The following MKLN1 variants were observed in gnomAD, a reference collection of about 807,000 sequenced individuals.
MKLN1 encodes muskelin 1, also known as muskelin.
In MKLN1, 18 loss-of-function variants were observed where a neutral mutation model predicts 99.0. That is an observed-to-expected ratio of 0.18 (90% CI 0.13 to 0.27). MKLN1 has a LOEUF of 0.27. MKLN1 is among the 10% of genes least tolerant of loss of function. The pLI is 1.00. For synonymous variants in MKLN1, 288 were observed against 293.2 expected, an observed-to-expected ratio of 0.98 and a Z score of 0.18; for missense variants, 621 against 875.9, an observed-to-expected ratio of 0.71 and a Z score of 3.67.
intron 2 of MKLN1, among the ~76,000 whole-genome samples, chr7:131,180,520 G>A (rs988256297): frequency 2.0e-5 from 3 of 152,092 alleles, no homozygotes; most frequent in African/African-American, 4.8e-5. Context: ...CCAACATGGT[G>A]AAACTCTGTC....
At chr7:131,472,426 T>G (rs1472060778) in intron 16 of MKLN1, among the ~76,000 whole-genome samples, 2 of 152,234 alleles carry the variant, frequency 1.3e-5, no homozygotes, top group African/African-American at 4.8e-5. Flanking sequence ...TCAAGTTCAT[T>G]TGAGCCATTT....
chr7:131,229,449 G>A (rs143946375), intron 3 of MKLN1, among the ~76,000 whole-genome samples: 161 of 152,298 alleles, frequency 1.1e-3, no homozygotes, highest in Non-Finnish European at 2.0e-3. Flanking sequence ...TAGAGGAGTT[G>A]TGGGGACCAA....
chr7:131,161,082 T>C (rs1415306496), intron 2 of MKLN1, among the ~76,000 whole-genome samples: 1 of 152,066 alleles, frequency 6.6e-6, no homozygotes, highest in Admixed American at 6.6e-5. Context: ...ATACAATAGA[T>C]GGGGAGTGAC....
chr7:131,340,136 A>G lies in MKLN1; in HGVS notation c.98+12139A>G, dbSNP rs1401647481. Among the ~76,000 whole-genome samples the G allele has an allele frequency of 2.6e-5, 4 of 151,948 alleles. No homozygotes were observed. In the East Asian group the frequency reaches 5.8e-4, roughly 22 times the overall value. On this transcript the variant is annotated intron_variant, in intron 1 of 17. Coordinates refer to ENST00000352689, the MANE Select transcript of MKLN1 (RefSeq NM_013255.5). ...TCTAACTCCTGTTTATTCTCGAGCT[A>G]TCAGCTAAAATGTCACTTTCTCAGG...
At chr7:131,412,503 G>T (rs1162246913) in intron 7 of MKLN1, among the ~76,000 whole-genome samples, 1 of 152,170 alleles carries the variant, frequency 6.6e-6, no homozygotes, top group Non-Finnish European at 1.5e-5. Flanking sequence ...TATTTATATT[G>T]AACATCATAG....
At chr7:131,328,280 T>C (rs943279235) in intron 1 of MKLN1, 1 of 408,498 alleles carries the variant, frequency 2.4e-6, no homozygotes, top group African/African-American at 2.1e-5. Context: ...CGCTTGGGAT[T>C]TGGGGGTTGA....
intron 1 of MKLN1, among the ~76,000 whole-genome samples, chr7:131,339,473 G>A (rs1216160451): frequency 3.3e-5 from 5 of 152,160 alleles, no homozygotes; most frequent in Non-Finnish European, 5.9e-5. Context: ...GGGAGGCCGA[G>A]GTGGGTGGAT....
intron 1 of MKLN1, among the ~76,000 whole-genome samples, chr7:131,130,699 A>C (rs1388268637): frequency 1.3e-5 from 2 of 152,222 alleles, no homozygotes; most frequent in Non-Finnish European, 2.9e-5. Flanking sequence ...TTAGTAGATG[A>C]AATGTTTTAT....
At chr7:131,484,973 T>G (rs969763838) in intron 17 of MKLN1, among the ~76,000 whole-genome samples, 1 of 152,100 alleles carries the variant, frequency 6.6e-6, no homozygotes, top group Admixed American at 6.6e-5. Context: ...TATAATAGTG[T>G]AAAACAATGT....
intron 3 of MKLN1, among the ~76,000 whole-genome samples, chr7:131,261,798 A>G (rs988279435): frequency 2.0e-5 from 3 of 152,370 alleles, no homozygotes; most frequent in Non-Finnish European, 4.4e-5. Flanking sequence ...CATCTACACT[A>G]TGGAATACTA....
intron 2 of MKLN1, among the ~76,000 whole-genome samples, chr7:131,194,458 G>A (rs1796613282): frequency 6.6e-6 from 1 of 152,140 alleles, no homozygotes; most frequent in Non-Finnish European, 1.5e-5. Flanking sequence ...TAACAGGTGA[G>A]ATATTTAATC....
intron 8 of MKLN1, among the ~76,000 whole-genome samples, chr7:131,417,369 G>C (rs1014444251): frequency 6.6e-6 from 1 of 151,866 alleles, no homozygotes; most frequent in Non-Finnish European, 1.5e-5. Context: ...TCTTTTATTC[G>C]TTATGAATTC....
chr7:131,401,898 A>G (rs1794556844), intron 6 of MKLN1, among the ~76,000 whole-genome samples: 2 of 152,196 alleles, frequency 1.3e-5, no homozygotes, highest in East Asian at 3.8e-4. Context: ...TCAGTGAGTT[A>G]TACTCTTTTT....
At chr7:131,450,519 AT>A (rs1240134925) in intron 12 of MKLN1, among the ~76,000 whole-genome samples, 3 of 152,144 alleles carry the variant, frequency 2.0e-5, no homozygotes, top group Admixed American at 6.5e-5. Flanking sequence ...ACTTAACATA[AT>A]TCACAGACTC....
At chr7:131,403,985 CAT>C (rs1443956932) in intron 6 of MKLN1, among the ~76,000 whole-genome samples, 2 of 152,160 alleles carry the variant, frequency 1.3e-5, no homozygotes, top group African/African-American at 2.4e-5. Flanking sequence ...ATTATAAAGG[CAT>C]ATGTATGTTG....
chr7:131,355,892 T>A (rs1563308555), intron 1 of MKLN1, among the ~76,000 whole-genome samples: 1 of 151,934 alleles, frequency 6.6e-6, no homozygotes, highest in Admixed American at 6.6e-5. Context: ...TCTTTTGGCA[T>A]CTTCTAGTTG....
At chr7:131,297,411 C>CTGTG (rs1443966573) in intron 3 of MKLN1, among the ~76,000 whole-genome samples, 1 of 70,424 alleles carries the variant, frequency 1.4e-5, no homozygotes, top group African/African-American at 4.1e-5. Flanking sequence ...TACACAAATA[C>CTGTG]TCTGTGTGTG....
intron 3 of MKLN1, among the ~76,000 whole-genome samples, chr7:131,233,808 A>G (rs1447635973): frequency 1.3e-5 from 2 of 152,106 alleles, no homozygotes; most frequent in Admixed American, 6.5e-5. Context: ...GCTTCTGCCA[A>G]CTGAGAAGAA....
chr7:131,384,641 AC>A, intron 2 of MKLN1, among the ~76,000 whole-genome samples: 1 of 152,330 alleles, frequency 6.6e-6, no homozygotes, highest in Non-Finnish European at 1.5e-5. Context: ...ACCCAAGGAA[AC>A]TAATACACCC....
Sources: allele counts gnomAD v4.1 joint callset (sites outside exome capture counted in the v4.1 genomes callset), GRCh38; gene constraint gnomAD v4.1.1; transcripts MANE v1.5; gene names NCBI Gene and HGNC (gene_info 2026-07-23, HGNC 2026-07-21).